Variants in IQCH observed in about 807,000 individuals in gnomAD.
IQCH encodes the protein IQ domain-containing protein H.
Under a neutral mutation model 117.0 loss-of-function variants are expected in IQCH, and 98 were observed. The ratio of observed to expected loss-of-function variants is 0.84; its 90% CI spans 0.71 to 0.99. The LOEUF is 0.99. Among genes scored for constraint, IQCH ranks in the 50% least tolerant of loss-of-function variants. The pLI is 0.00. For missense variants in IQCH, 1,102 were observed against 1,243.8 expected, an observed-to-expected ratio of 0.89 and a Z score of 1.72; for synonymous variants, 412 against 448.2, an observed-to-expected ratio of 0.92 and a Z score of 1.02.
At chr15:67,345,716 A>G (rs1969357881) in intron 6 of IQCH, among the ~76,000 whole-genome samples, 2 of 152,380 alleles carry the variant, frequency 1.3e-5, no homozygotes, top group Admixed American at 1.3e-4. Context: ...GAGGAGCCTA[A>G]GGAGACATGA....
intron 13 of IQCH, among the ~76,000 whole-genome samples, chr15:67,396,662 T>TC (rs980787242): frequency 6.6e-6 from 1 of 152,064 alleles, no homozygotes; most frequent in Non-Finnish European, 1.5e-5. Flanking sequence ...TCACAAATTA[T>TC]CCCCCCTACC....
At position 67,496,400 on chromosome 15, in the gene IQCH, T is replaced by C. The variant is rs2083811013; in HGVS notation, c.2970+2034T>C. ...TAACTTCCTCAACCTTATAAGGACA[T>C]CTACCAAAAAACCCACAGCTGACAT... On this transcript the variant is annotated intron_variant, in intron 20 of 20. Transcript: ENST00000335894. This position sits in a 1 kb window ranked among gnomAD's most constrained non-coding sequence, Gnocchi z 4.4. 6.6e-6 allele frequency among the ~76,000 whole-genome samples: 1 copy of C among 152,148 alleles called. No individual in the cohort carries two copies. The highest frequency in any genetic ancestry group is 1.5e-5 in the Non-Finnish European group (1 of 68,006).
chr15:67,336,823 C>A, intron 4 of IQCH, 152 bp from the exon 5 acceptor site: 1 of 639,318 alleles, frequency 1.6e-6, no homozygotes, highest in Non-Finnish European at 2.6e-6. Flanking sequence ...GACAATAGCA[C>A]AGGGTATTCA....
rs1189622580 is a variant in IQCH, at chr15:67,490,069, G to A, written c.2861+5G>A. The stretch of plus-strand genomic sequence containing the variant: ...GAGACACAAGTTGGGAATGTTGTGA[G>A]TATGAAGTGTATCTGTGAGTTGCAA... On this transcript the variant is annotated splice_donor_5th_base_variant and intron_variant, in intron 19 of 20. Transcript: ENST00000335894. This position sits in a 1 kb window ranked among gnomAD's most constrained non-coding sequence, Gnocchi z 4.9. 6.3e-7 allele frequency: 1 copy of A among 1,592,650 alleles called. No individual in the cohort carries two copies. The highest frequency in any genetic ancestry group is 8.6e-7 in the Non-Finnish European group (1 of 1,164,266).
chr15:67,345,666 T>A (rs1424058133), intron 6 of IQCH, among the ~76,000 whole-genome samples: 1 of 152,126 alleles, frequency 6.6e-6, no homozygotes, highest in African/African-American at 2.4e-5. Context: ...ACTGTCACGG[T>A]CATGAAAACA....
At chr15:67,421,099 C>G in intron 15 of IQCH, 192 bp from the exon 16 acceptor site, 1 of 597,674 alleles carries the variant, frequency 1.7e-6, no homozygotes, top group South Asian at 2.0e-5. Flanking sequence ...TAGATAGATA[C>G]AGTATCTCCA....
At chr15:67,298,257 G>A (rs977441598) in intron 4 of IQCH, among the ~76,000 whole-genome samples, 2 of 150,560 alleles carry the variant, frequency 1.3e-5, no homozygotes, top group African/African-American at 4.9e-5. Flanking sequence ...GCAGTAAGCC[G>A]ATATCACATC....
At position 67,425,762 on chromosome 15, in the gene IQCH, G is replaced by C. The variant is rs2081873446; in HGVS notation, c.2505+4185G>C. Among the ~76,000 whole-genome samples, 1 of 152,106 alleles carries C rather than the reference G, an allele frequency of 6.6e-6. No homozygotes were observed. Among genetic ancestry groups the C allele is most frequent in the Admixed American group, 6.5e-5 (1 of 15,276 alleles). ...AACTTTTTCCACTACCACTACGATAGTGGTAATTTTGTATTTCTGTGGAAA... is the reference window on the plus strand; with the variant it reads ...AACTTTTTCCACTACCACTACGATACTGGTAATTTTGTATTTCTGTGGAAA... On this transcript the variant is annotated intron_variant, in intron 16 of 20. Transcript: ENST00000335894. This position sits in a 1 kb window ranked among gnomAD's most constrained non-coding sequence, Gnocchi z 5.5.
intron 4 of IQCH, among the ~76,000 whole-genome samples, chr15:67,285,228 A>T (rs1966514554): frequency 6.6e-6 from 1 of 151,772 alleles, no homozygotes; most frequent in African/African-American, 2.4e-5. Context: ...CCTTTTTTTC[A>T]CATGATCATT....
In IQCH at chr15:67,443,962, A is replaced by G. The variant is rs1330376200; in HGVS notation, c.2506-21165A>G. On this transcript the variant is annotated intron_variant, in intron 16 of 20. Transcript: ENST00000335894. This position sits in a 1 kb window ranked among gnomAD's most constrained non-coding sequence, Gnocchi z 5.0. ...CATGTTCAAGGCCACATGAACAGCT[A>G]TTATGTGGCAAATCCAGGGTTCAGA... Among the ~76,000 whole-genome samples the G allele has an allele frequency of 1.3e-5, 2 of 152,222 alleles. No individual in the cohort carries two copies. Among genetic ancestry groups the G allele is most frequent in the African/African-American group, 4.8e-5 (2 of 41,460 alleles).
chr15:67,424,980 G>A lies in IQCH; in HGVS notation c.2505+3403G>A, dbSNP rs985964759. On this transcript the variant is annotated intron_variant, in intron 16 of 20. Coordinates refer to ENST00000335894, the MANE Select transcript of IQCH (RefSeq NM_001031715.3). This position sits in a 1 kb window ranked among gnomAD's most constrained non-coding sequence, Gnocchi z 4.9. ...AATTGACATGCCTTGTGATGCCATT[G>A]AAGCGACTGGCAGGCATATTATCAA... is the stretch of plus-strand genomic sequence containing the variant. Among the ~76,000 whole-genome samples the A allele has an allele frequency of 2.0e-5, 3 of 152,160 alleles. No homozygotes were observed. Among genetic ancestry groups the A allele is most frequent in the Non-Finnish European group, 4.4e-5 (3 of 68,024 alleles).
At chr15:67,346,345 C>T (rs899011433) in intron 6 of IQCH, among the ~76,000 whole-genome samples, 1 of 151,758 alleles carries the variant, frequency 6.6e-6, no homozygotes, top group Non-Finnish European at 1.5e-5. Context: ...GAACAGTGGT[C>T]CCCAACCTTT....
At chr15:67,449,145 T>C (rs1440158099) in intron 16 of IQCH, among the ~76,000 whole-genome samples, 2 of 151,908 alleles carry the variant, frequency 1.3e-5, no homozygotes, top group African/African-American at 4.8e-5. Context: ...GATGAGTAGG[T>C]TGCAAAAATT....
At chr15:67,285,384 C>T (rs189072524) in intron 4 of IQCH, among the ~76,000 whole-genome samples, 1 of 151,992 alleles carries the variant, frequency 6.6e-6, no homozygotes. Flanking sequence ...TTCTCCCATT[C>T]TGTAGGTTGT....
Position 67,404,314 on chromosome 15 carries a change from T to G in IQCH, c.2097+4009T>G, listed in dbSNP as rs1971791863. On this transcript the variant is annotated intron_variant, in intron 14 of 20. Coordinates refer to ENST00000335894, the MANE Select transcript of IQCH (RefSeq NM_001031715.3). The surrounding 1 kb of genome is among the most constrained non-coding windows in gnomAD (Gnocchi z 4.6). ...ATTACAAAAGAGAATCATTAACCAT[T>G]TCATGCCATAGAGCTCCCTGCATCT... 1 of 152,148 alleles carries G rather than the reference T, an allele frequency of 6.6e-6. No homozygotes were observed. Among genetic ancestry groups the G allele is most frequent in the Non-Finnish European group, 1.5e-5 (1 of 68,040 alleles). The allele number at this position is 152,148 out of a possible 1,614,324, so 9.4% of individuals were successfully genotyped here.
rs977390382 is a variant in IQCH, at chr15:67,254,821, G to T, written c.-76G>T. ...AGGTCGCGCGCGGTGTTGCCATGGG[G>T]ACGAGCGGCTCCGGCTGAAGGTTTC... On this transcript the variant is annotated 5_prime_UTR_variant, in exon 1 of 21. Coordinates refer to ENST00000335894, the MANE Select transcript of IQCH (RefSeq NM_001031715.3). 1.3e-6 allele frequency: 2 copies of T among 1,500,650 alleles called. No individual in the cohort carries two copies. The highest frequency in any genetic ancestry group is 1.9e-5 in the Admixed American group (1 of 53,976). The allele number at this position is 1,500,650 out of a possible 1,614,324, so 93.0% of individuals were successfully genotyped here. A position where few individuals can be genotyped will look rare whatever the true frequency, so the allele number is the denominator to read the frequency against.
In IQCH at chr15:67,407,133, C is replaced by T. The variant is rs1024233982; in HGVS notation, c.2097+6828C>T. The T allele has an allele frequency of 8.5e-5, 13 of 152,170 alleles. No homozygotes were observed. Among genetic ancestry groups the T allele is most frequent in the Admixed American group, 2.6e-4 (4 of 15,276 alleles). The allele number at this position is 152,170 out of a possible 1,614,324, so 9.4% of individuals were successfully genotyped here. A position where few individuals can be genotyped will look rare whatever the true frequency, so the allele number is the denominator to read the frequency against. Reference sequence around the variant, plus strand: ...TTGATCCAGTTGTTCCCAGCCTATGCTTTACCCAGACAGTGCCTTGGAAAG... The same window carrying T: ...TTGATCCAGTTGTTCCCAGCCTATGTTTTACCCAGACAGTGCCTTGGAAAG... On this transcript the variant is annotated intron_variant, in intron 14 of 20. Transcript: ENST00000335894. The surrounding 1 kb of genome is among the most constrained non-coding windows in gnomAD (Gnocchi z 5.3).
rs1402756904 is a variant in IQCH, at chr15:67,254,978, T to A, written c.51+31T>A. ...AAACGGGCTTCCCCCGGCCCTGCCC[T>A]GCCCAGCCGCGCCACTTCCGAGCGA... On this transcript the variant is annotated intron_variant, in intron 1 of 20. Coordinates refer to ENST00000335894, the MANE Select transcript of IQCH (RefSeq NM_001031715.3). 3 of 1,602,984 alleles carry A rather than the reference T, an allele frequency of 1.9e-6. No homozygotes were observed. The Admixed American group carries it at 5.0e-5, about 27-fold the overall frequency.
chr15:67,396,086 T>C (rs975763122), intron 13 of IQCH, among the ~76,000 whole-genome samples: 7 of 152,218 alleles, frequency 4.6e-5, no homozygotes, highest in African/African-American at 1.7e-4. Flanking sequence ...AAAATGTATA[T>C]ATCATTTGGA....
Sources: gnomAD v4.1 joint callset for allele counts (sites outside exome capture counted in the v4.1 genomes callset) on GRCh38, gnomAD v4.1.1 for gene constraint, Gnocchi (gnomAD v3.1) non-coding constraint, MANE v1.5 for transcripts, NCBI Gene and HGNC (gene_info 2026-07-23, HGNC 2026-07-21) for gene names.